RAB33A: variants seen among roughly 807,000 people sequenced by gnomAD.
RAB33A encodes RAB33A, member RAS oncogene family, also known as ras-related protein Rab-33A.
RAB33A carries 6 observed loss-of-function variants against 12.0 expected under a neutral mutation model. The ratio of observed to expected loss-of-function variants is 0.50; its 90% confidence interval spans 0.27 to 0.99. RAB33A has a LOEUF of 0.99. Ranked by LOEUF, RAB33A falls within the 50% of genes least tolerant of loss-of-function variation. The probability of loss-of-function intolerance (pLI) is 0.11; values close to 1 mark genes in which losing one functional copy is unlikely to be tolerated. For synonymous variants in RAB33A, 70 were observed against 82.4 expected (o/e 0.85, Z 0.81); for missense variants, 109 against 192.0 (o/e 0.57, Z 2.55).
the RAB33A span, among the ~76,000 whole-genome samples, chrX:130,161,524 A>C: frequency 9.5e-6 from 1 of 105,761 alleles, no homozygotes; most frequent in Non-Finnish European, 1.9e-5. Context: ...AAAAAAAAAA[A>C]AAAAAAAACA....
chrX:130,174,823 G>C (rs1391176896), intron 1 of RAB33A, among the ~76,000 whole-genome samples: 1 of 110,710 alleles, frequency 9.0e-6, no homozygotes, highest in South Asian at 3.8e-4. Flanking sequence ...CAACTGATTT[G>C]GTGTAGTTAG....
At chrX:130,169,485 T>G (rs1255912250), upstream of RAB33A, among the ~76,000 whole-genome samples, 15 of 111,923 alleles carry the variant, frequency 1.3e-4, no homozygotes, top group African/African-American at 4.5e-4. Flanking sequence ...TACATTTAAT[T>G]TTTTTACAAT....
In RAB33A at chrX:130,172,239, T is replaced by G. The variant is rs752741790; in HGVS notation, c.177T>G (p.Gly59=). 8.3e-7 allele frequency: 1 copy of G among 1,211,610 alleles called. No individual in the cohort carries two copies. Among genetic ancestry groups the G allele is most frequent in the Non-Finnish European group, 1.1e-6 (1 of 895,411 alleles). Residue 59 remains glycine (G), a synonymous_variant, in exon 1 of 2, where the codon GGT becomes GGG. Coordinates refer to ENST00000257017, the MANE Select transcript of RAB33A (RefSeq NM_004794.3). ...KTCLTFRFCG[G]TFPDKTEATI... ...GCCTGACCTTCCGCTTCTGCGGGGG[T>G]ACCTTCCCAGACAAGACTGAAGCCA...
chrX:130,118,297 G>A, the RAB33A span, among the ~76,000 whole-genome samples: 2 of 112,374 alleles, frequency 1.8e-5, no homozygotes, highest in African/African-American at 6.5e-5. Context: ...GTAGGATGGG[G>A]GATTGTCTAT....
intron 1 of RAB33A, among the ~76,000 whole-genome samples, chrX:130,178,357 G>A (rs1468154028): frequency 9.4e-6 from 1 of 106,472 alleles, no homozygotes; most frequent in Non-Finnish European, 1.9e-5. Context: ...GACCAGGCGT[G>A]GTGGCTCACA....
upstream of RAB33A, chrX:130,171,949 C>T (rs1603234254): frequency 2.2e-6 from 2 of 890,754 alleles, no homozygotes; most frequent in East Asian, 6.9e-5. Context: ...GACACACACA[C>T]ACGCGCGCAC....
chrX:130,123,294 G>T, the RAB33A span, among the ~76,000 whole-genome samples: 4 of 112,257 alleles, frequency 3.6e-5, no homozygotes, highest in Admixed American at 9.5e-5. Context: ...GCAGCACTGC[G>T]GCTGAAATCT....
chrX:130,129,113 G>A, the RAB33A span, among the ~76,000 whole-genome samples: 1 of 111,654 alleles, frequency 9.0e-6, no homozygotes, highest in East Asian at 2.8e-4. Flanking sequence ...AAAGTCTTCA[G>A]AGATAGTGAA....
chrX:130,141,758 A>G, the RAB33A span, among the ~76,000 whole-genome samples: 1 of 111,588 alleles, frequency 9.0e-6, no homozygotes, highest in Non-Finnish European at 1.9e-5. Flanking sequence ...CCTGGCTCAT[A>G]CTTTTCCTCA....
the RAB33A span, among the ~76,000 whole-genome samples, chrX:130,146,957 C>T: frequency 9.8e-5 from 11 of 111,813 alleles, no homozygotes; most frequent in African/African-American, 3.6e-4. Flanking sequence ...GTCAGGAGAT[C>T]GAGACCATCT....
chrX:130,178,391 G>T (rs979526048), intron 1 of RAB33A, among the ~76,000 whole-genome samples: 1 of 109,384 alleles, frequency 9.1e-6, no homozygotes, highest in Non-Finnish European at 1.9e-5. Flanking sequence ...CACTTTGGGA[G>T]GCCCAGGTGG....
the RAB33A span, among the ~76,000 whole-genome samples, chrX:130,128,752 A>G: frequency 8.9e-6 from 1 of 111,747 alleles, no homozygotes; most frequent in African/African-American, 3.3e-5. Context: ...GCATGAGGAC[A>G]GCAGGCAGAA....
intron 1 of RAB33A, among the ~76,000 whole-genome samples, chrX:130,174,073 G>A (rs1264747737): frequency 3.6e-5 from 4 of 111,906 alleles, no homozygotes; most frequent in Admixed American, 9.5e-5. Flanking sequence ...ACGAGTGGAA[G>A]AGTCACCACC....
Position 130,175,717 on chromosome X carries a change from G to A in RAB33A, c.258+3397G>A, listed in dbSNP as rs771084881. ...TCACCATGTTAGCCAGGCTGGTCTC[G>A]AACTCCTGACCTCAGGTGATCCACC... On this transcript the variant is annotated intron_variant, in intron 1 of 1. Transcript: ENST00000257017. Among the ~76,000 whole-genome samples, 10 of 110,531 alleles carry A rather than the reference G, an allele frequency of 9.0e-5. No homozygotes were observed. The South Asian group carries it at 2.3e-3, about 26-fold the overall frequency.
At chrX:130,163,983 G>C in the RAB33A span, among the ~76,000 whole-genome samples, 1 of 88,306 alleles carries the variant, frequency 1.1e-5, no homozygotes, top group East Asian at 3.7e-4. Flanking sequence ...GTGAAACCTT[G>C]TCTCTACTAA....
the RAB33A span, among the ~76,000 whole-genome samples, chrX:130,139,612 C>A: frequency 9.0e-6 from 1 of 110,647 alleles, no homozygotes; most frequent in Admixed American, 9.7e-5. Flanking sequence ...AGCTTAAAAC[C>A]CTTGAGTGAG....
chrX:130,184,455 A>G lies in RAB33A; in HGVS notation c.429A>G (p.Leu143=). 3 of 1,212,040 alleles carry G rather than the reference A, an allele frequency of 2.5e-6. No individual in the cohort carries two copies. Among genetic ancestry groups the G allele is most frequent in the Non-Finnish European group, 3.4e-6 (3 of 895,391 alleles). Residue 143 remains leucine, a synonymous_variant, in exon 2 of 2, where the codon CTA becomes CTG. Transcript: ENST00000257017. ...QECNGHAVPP[L]VPKVLVGNKC... ...GCAATGGGCATGCTGTGCCCCCACTAGTCCCCAAAGTGCTTGTGGGCAACA... is the reference window on the plus strand; with the variant it reads ...GCAATGGGCATGCTGTGCCCCCACTGGTCCCCAAAGTGCTTGTGGGCAACA...
Position 130,172,143 on chromosome X carries a change from G to C in RAB33A, c.81G>C (p.Ser27=), listed in dbSNP as rs2031616653. 1 of 1,210,915 alleles carries C rather than the reference G, an allele frequency of 8.3e-7. No individual in the cohort carries two copies. Among genetic ancestry groups the C allele is most frequent in the Admixed American group, 2.2e-5 (1 of 46,008 alleles). The change falls in exon 1 of 2, where the codon TCG becomes TCC. Residue 27 remains serine, a synonymous_variant. Transcript: ENST00000257017. The part of the protein sequence containing the change: ...AGLASLELDS[S]LDQYVQIRIF... ...TGGCGTCCCTGGAGCTCGACTCGTC[G>C]CTGGACCAGTACGTGCAGATTCGCA...
At chrX:130,158,908 G>A in the RAB33A span, among the ~76,000 whole-genome samples, 1 of 110,356 alleles carries the variant, frequency 9.1e-6, no homozygotes, top group Non-Finnish European at 1.9e-5. Context: ...GATTAGAGAA[G>A]GAATTTCCCC....
Sources: gnomAD v4.1 joint callset for allele counts (sites outside exome capture counted in the v4.1 genomes callset) on GRCh38, gnomAD v4.1.1 for gene constraint, MANE v1.5 for transcripts, NCBI Gene and HGNC (gene_info 2026-07-23, HGNC 2026-07-21) for gene names.